Variants in ASTN2 observed in about 807,000 individuals in gnomAD.
ASTN2 encodes the protein astrotactin-2.
In ASTN2, 54 loss-of-function variants were observed where a neutral mutation model predicts 139.8. The ratio of observed to expected loss-of-function variants is 0.39; its 90% CI spans 0.31 to 0.48. The LOEUF is 0.48. Among genes scored for constraint, ASTN2 ranks in the 20% least tolerant of loss-of-function variants. The pLI, the probability that ASTN2 is intolerant of heterozygous loss-of-function variation, is 0.95. For synonymous variants in ASTN2, 756 were observed against 719.5 expected (o/e 1.05, Z -0.81); for missense variants, 1,565 against 1,725.1 (o/e 0.91, Z 1.64).
intron 7 of ASTN2, 34 bp downstream of exon 7, chr9:117,008,058 A>T: frequency 6.6e-7 from 1 of 1,521,478 alleles, no homozygotes; most frequent in Non-Finnish European, 8.8e-7. Flanking sequence ...AGCCTCTCCC[A>T]CCTTCTATCC....
intron 19 of ASTN2, among the ~76,000 whole-genome samples, chr9:116,537,335 T>C (rs4837605): frequency 0.17 from 25,457 of 152,212 alleles, 2,385 homozygotes; most frequent in African/African-American, 0.24. Context: ...CCAAAATTTA[T>C]TCATGTTTAC....
intron 4 of ASTN2, among the ~76,000 whole-genome samples, chr9:117,102,322 A>T (rs963389998): frequency 1.3e-5 from 2 of 152,214 alleles, no homozygotes; most frequent in African/African-American, 4.8e-5. Flanking sequence ...TGAAATATCC[A>T]GGATAGCTAA....
At chr9:116,882,668 C>T (rs1833479029) in intron 10 of ASTN2, among the ~76,000 whole-genome samples, 2 of 152,168 alleles carry the variant, frequency 1.3e-5, no homozygotes, top group African/African-American at 2.4e-5. Flanking sequence ...ATTTATTTGA[C>T]AAGAAGATAT....
intron 20 of ASTN2, among the ~76,000 whole-genome samples, chr9:116,478,412 G>C (rs1251697116): frequency 6.6e-6 from 1 of 152,098 alleles, no homozygotes; most frequent in Non-Finnish European, 1.5e-5. Context: ...GCCTCTCCTG[G>C]ATTCTTTCCC....
intron 20 of ASTN2, among the ~76,000 whole-genome samples, chr9:116,448,823 C>A (rs1202247803): frequency 6.6e-6 from 1 of 152,118 alleles, no homozygotes; most frequent in East Asian, 1.9e-4. Flanking sequence ...ATTCATGATG[C>A]CCAGACAGTA....
chr9:116,478,565 T>C (rs1316462267), intron 20 of ASTN2, among the ~76,000 whole-genome samples: 2 of 152,070 alleles, frequency 1.3e-5, no homozygotes, highest in Non-Finnish European at 2.9e-5. Context: ...ACTGAGCAGG[T>C]TGGGTCACTG....
At chr9:117,317,205 A>C (rs1684189061) in intron 1 of ASTN2, among the ~76,000 whole-genome samples, 1 of 152,084 alleles carries the variant, frequency 6.6e-6, no homozygotes, top group Admixed American at 6.5e-5. Flanking sequence ...AATGGAACAG[A>C]TTTGGAGCCT....
rs535783760 is a variant in ASTN2, at chr9:116,517,933, A to G, written c.3356-30433T>C. Among the ~76,000 whole-genome samples the G allele has an allele frequency of 3.2e-4, 48 of 152,304 alleles. 1 individual carries two copies. The highest frequency in any genetic ancestry group is 1.1e-3 in the African/African-American group (47 of 41,562). On this transcript the variant is annotated intron_variant, in intron 19 of 22. Coordinates refer to ENST00000313400, the MANE Select transcript of ASTN2 (RefSeq NM_001365068.1). The stretch of plus-strand genomic sequence containing the variant: ...TCAGAGCTTGAAGATAAGACTTTCA[A>G]ATTAACCCAATCCATCAAACACAAA...
Position 116,976,757 on chromosome 9 carries a change from G to A in ASTN2, c.1620C>T (p.Ala540=), listed in dbSNP as rs1358759697. Residue 540 remains alanine (A), a synonymous_variant, in exon 8 of 23, where the codon GCC becomes GCT. Transcript: ENST00000313400. ...ACAGGTGTCTGTGAACAGGGTCAGG[G>A]GCATAGCCTTCATGACAGCTGCACT... is the stretch of plus-strand genomic sequence containing the variant. The part of the protein sequence containing the change: ...TGECSCHEGY[A]PDPVHRHLCV... 4 of 1,613,904 alleles carry A rather than the reference G, an allele frequency of 2.5e-6. No individual in the cohort carries two copies. Among genetic ancestry groups the A allele is most frequent in the East Asian group, 4.5e-5 (2 of 44,878 alleles).
intron 17 of ASTN2, among the ~76,000 whole-genome samples, chr9:116,638,402 G>A (rs1348819663): frequency 6.6e-6 from 1 of 152,114 alleles, no homozygotes. Flanking sequence ...TAGGAGAGAG[G>A]CAACAACTAG....
At chr9:116,976,860 T>C (rs1244024169) in intron 7 of ASTN2, 75 bp from the exon 8 acceptor site, 4 of 1,373,162 alleles carry the variant, frequency 2.9e-6, no homozygotes, top group Non-Finnish European at 4.1e-6. Flanking sequence ...TTGCTTGTTT[T>C]CCTAAGACAT....
chr9:116,656,497 T>C (rs186613426), intron 16 of ASTN2, among the ~76,000 whole-genome samples: 3 of 152,238 alleles, frequency 2.0e-5, no homozygotes, highest in East Asian at 3.9e-4. Context: ...AAGAACATTT[T>C]TGAAGAGACT....
intron 5 of ASTN2, among the ~76,000 whole-genome samples, chr9:117,071,633 T>TAGC (rs1428687862): frequency 2.0e-5 from 3 of 149,436 alleles, no homozygotes; most frequent in African/African-American, 7.4e-5. Context: ...TGCAGTTTGA[T>TAGC]CTCAGACTGC....
chr9:117,060,737 CA>C lies in ASTN2; in HGVS notation c.1277-20773del, dbSNP rs202007410. 1.4e-3 allele frequency among the ~76,000 whole-genome samples: 207 copies of C among 150,980 alleles called. 10 individuals carry two copies. In the East Asian group the frequency reaches 0.037, roughly 27 times the overall value. ...TGAAACCCCGTCTCCACTAAAAATA[CA>C]AAAAAAATTAGCCGGGTGTGATGGC... On this transcript the variant is annotated intron_variant, in intron 5 of 22. Coordinates refer to ENST00000313400, the MANE Select transcript of ASTN2 (RefSeq NM_001365068.1).
intron 1 of ASTN2, among the ~76,000 whole-genome samples, chr9:117,369,451 C>T (rs542025623): frequency 6.6e-6 from 1 of 152,052 alleles, no homozygotes; most frequent in Non-Finnish European, 1.5e-5. Flanking sequence ...ATACCCATTT[C>T]ATATGGTAGA....
intron 19 of ASTN2, among the ~76,000 whole-genome samples, chr9:116,521,825 C>T (rs925162943): frequency 6.6e-6 from 1 of 151,146 alleles, no homozygotes; most frequent in Admixed American, 6.6e-5. Flanking sequence ...AACAAACAAA[C>T]AAACAATCCC....
intron 19 of ASTN2, among the ~76,000 whole-genome samples, chr9:116,492,542 C>T (rs1849547600): frequency 6.6e-6 from 1 of 152,080 alleles, no homozygotes; most frequent in South Asian, 2.1e-4. Flanking sequence ...AGATTTGGAA[C>T]AAAAACTTGG....
chr9:116,785,158 A>G lies in ASTN2; in HGVS notation c.2396+20474T>C, dbSNP rs545827307. ...TCTGTAGAACTGAATGCGTTTGGAC[A>G]GTGAAGCTGCTGCCTGGGTCTCTTC... On this transcript the variant is annotated intron_variant, in intron 13 of 22. Transcript: ENST00000313400. 4.6e-5 allele frequency among the ~76,000 whole-genome samples: 7 copies of G among 152,300 alleles called. No individual in the cohort carries two copies. In the East Asian group the frequency reaches 7.7e-4, roughly 17 times the overall value.
At chr9:116,564,983 T>TA (rs1853108496) in intron 19 of ASTN2, among the ~76,000 whole-genome samples, 1 of 152,048 alleles carries the variant, frequency 6.6e-6, no homozygotes, top group Non-Finnish European at 1.5e-5. Flanking sequence ...GAGGTAGACT[T>TA]AGAGTACAAA....
Sources: allele counts gnomAD v4.1 joint callset (sites outside exome capture counted in the v4.1 genomes callset), GRCh38; gene constraint gnomAD v4.1.1; transcripts MANE v1.5; gene names NCBI Gene and HGNC (gene_info 2026-07-23, HGNC 2026-07-21).